LAPTM4B: variants seen among roughly 807,000 people sequenced by gnomAD.
LAPTM4B encodes lysosomal-associated transmembrane protein 4B.
Under a neutral mutation model 28.5 loss-of-function variants are expected in LAPTM4B, and 26 were observed. The ratio of observed to expected loss-of-function variants is 0.91; its 90% CI spans 0.67 to 1.27. The LOEUF (loss-of-function observed/expected upper bound fraction) is 1.27. LAPTM4B is among the 50% of genes most tolerant of loss of function. The pLI, the probability that LAPTM4B is intolerant of heterozygous loss-of-function variation, is 0.00. For synonymous variants in LAPTM4B, 109 were observed against 106.4 expected (o/e 1.02, Z -0.15); for missense variants, 288 against 285.8 (o/e 1.01, Z -0.06).
At chr8:97,846,324 C>T (rs1304693447) in intron 6 of LAPTM4B, among the ~76,000 whole-genome samples, 1 of 137,422 alleles carries the variant, frequency 7.3e-6, no homozygotes, top group Non-Finnish European at 1.6e-5. Context: ...ACCAGAGTAT[C>T]CAATTTTTTT....
chr8:97,807,127 T>C (rs1429013342), intron 2 of LAPTM4B, among the ~76,000 whole-genome samples: 1 of 152,080 alleles, frequency 6.6e-6, no homozygotes, highest in African/African-American at 2.4e-5. Context: ...AGGTGTAGGC[T>C]CCGAAGCCAG....
chr8:97,791,750 G>A (rs1816501720), intron 1 of LAPTM4B, among the ~76,000 whole-genome samples: 1 of 152,158 alleles, frequency 6.6e-6, no homozygotes, highest in Non-Finnish European at 1.5e-5. Context: ...ACCAACAATT[G>A]AATGTCAGTT....
At chr8:97,783,674 A>G (rs77590149) in intron 1 of LAPTM4B, among the ~76,000 whole-genome samples, 2,699 of 152,258 alleles carry the variant, frequency 0.018, 58 homozygotes, top group African/African-American at 0.059. Flanking sequence ...GCTACCAAGT[A>G]TCTTTTCTCA....
chr8:97,839,485 G>A (rs566716941), intron 6 of LAPTM4B, among the ~76,000 whole-genome samples: 5 of 152,252 alleles, frequency 3.3e-5, no homozygotes, highest in Admixed American at 1.3e-4. Flanking sequence ...GAACCACTGC[G>A]CCCGGCCACC....
intron 5 of LAPTM4B, among the ~76,000 whole-genome samples, chr8:97,821,024 G>T (rs566258709): frequency 6.6e-6 from 1 of 151,378 alleles, no homozygotes; most frequent in East Asian, 2.1e-4. Flanking sequence ...ACCACACCTG[G>T]CTGGGGACAC....
chr8:97,847,882 A>C (rs1817455319), intron 6 of LAPTM4B, among the ~76,000 whole-genome samples: 1 of 152,240 alleles, frequency 6.6e-6, no homozygotes, highest in South Asian at 2.1e-4. Context: ...AGAAACTTTA[A>C]TGAAAGGAGA....
At chr8:97,809,793 G>C (rs1816800405) in intron 2 of LAPTM4B, among the ~76,000 whole-genome samples, 1 of 152,194 alleles carries the variant, frequency 6.6e-6, no homozygotes, top group African/African-American at 2.4e-5. Context: ...CAGCCAGACA[G>C]AGCAGAACTC....
At chr8:97,843,520 G>C (rs1817382820) in intron 6 of LAPTM4B, among the ~76,000 whole-genome samples, 1 of 152,168 alleles carries the variant, frequency 6.6e-6, no homozygotes, top group African/African-American at 2.4e-5. Flanking sequence ...GCTCACACCT[G>C]TAATCCCAGC....
intron 6 of LAPTM4B, among the ~76,000 whole-genome samples, chr8:97,843,356 G>A (rs1433302595): frequency 6.6e-6 from 1 of 152,126 alleles, no homozygotes; most frequent in Non-Finnish European, 1.5e-5. Flanking sequence ...GATCCTGGGG[G>A]GCAGAGATTG....
At chr8:97,776,163 G>A in intron 1 of LAPTM4B, 55 bp downstream of exon 1, 1 of 1,497,248 alleles carries the variant, frequency 6.7e-7, no homozygotes. Context: ...CCCCTAGCTG[G>A]GCTTCTGGCC....
intron 6 of LAPTM4B, among the ~76,000 whole-genome samples, chr8:97,847,867 G>A (rs967285739): frequency 1.2e-4 from 19 of 152,202 alleles, no homozygotes; most frequent in African/African-American, 2.7e-4. Context: ...ACAAGGGAGG[G>A]TGTCAGAAAC....
intron 1 of LAPTM4B, among the ~76,000 whole-genome samples, chr8:97,779,436 G>C (rs1003827699): frequency 6.6e-6 from 1 of 152,006 alleles, no homozygotes; most frequent in Non-Finnish European, 1.5e-5. Flanking sequence ...AGTGAGCCAA[G>C]ATTGTGCCAC....
At position 97,843,780 on chromosome 8, in the gene LAPTM4B, CAAATAAAT is replaced by C. The variant is rs150370509; in HGVS notation, c.604-7588_604-7581del. ...GGGCAACAAGAGCGAAACTCCATCTCAAATAAATAAATAAATAAATAAATAAATAAATA... is the reference window on the plus strand; with the variant it reads ...GGGCAACAAGAGCGAAACTCCATCTCAAATAAATAAATAAATAAATAAATA... On this transcript the variant is annotated intron_variant, in intron 6 of 6. Transcript: ENST00000521545. Among the ~76,000 whole-genome samples the C allele has an allele frequency of 7.2e-4, 108 of 148,994 alleles. 1 individual carries two copies. The Middle Eastern group carries it at 0.01, about 14-fold the overall frequency.
chr8:97,849,595 G>A (rs1044449253), intron 6 of LAPTM4B, among the ~76,000 whole-genome samples: 1 of 152,206 alleles, frequency 6.6e-6, no homozygotes, highest in African/African-American at 2.4e-5. Flanking sequence ...CCTCTTTCAG[G>A]AACAAAGGCC....
intron 1 of LAPTM4B, chr8:97,788,212 G>A (rs1346720484): frequency 3.6e-6 from 1 of 276,050 alleles, no homozygotes; most frequent in Non-Finnish European, 7.2e-6. Context: ...ATTCCTTATA[G>A]ATCCAGCTAG....
chr8:97,779,537 C>T (rs982219356), intron 1 of LAPTM4B, among the ~76,000 whole-genome samples: 2 of 151,880 alleles, frequency 1.3e-5, no homozygotes, highest in East Asian at 1.9e-4. Flanking sequence ...CGCCTGTAAG[C>T]ACTTTGGGCG....
intron 5 of LAPTM4B, 63 bp downstream of exon 5, chr8:97,819,301 G>T: frequency 1.0e-6 from 1 of 1,000,112 alleles, no homozygotes. Context: ...TACCAAATAA[G>T]TAAACAAACT....
chr8:97,812,054 C>T (rs533358314), intron 2 of LAPTM4B, among the ~76,000 whole-genome samples: 1 of 152,190 alleles, frequency 6.6e-6, no homozygotes, highest in African/African-American at 2.4e-5. Flanking sequence ...GATCCATCCA[C>T]CTTGGCCTCC....
chr8:97,819,351 T>C (rs931414584), intron 5 of LAPTM4B, 113 bp downstream of exon 5: 2 of 627,730 alleles, frequency 3.2e-6, no homozygotes, highest in Non-Finnish European at 5.5e-6. Context: ...TCCAAATTGC[T>C]TTTTGATTTC....
Sources: gnomAD v4.1 joint callset for allele counts (sites outside exome capture counted in the v4.1 genomes callset) on GRCh38, gnomAD v4.1.1 for gene constraint, MANE v1.5 for transcripts, NCBI Gene and HGNC (gene_info 2026-07-23, HGNC 2026-07-21) for gene names.